The following GLG1 variants were observed in gnomAD, a reference collection of about 807,000 sequenced individuals.
GLG1 encodes golgi glycoprotein 1, also known as Golgi apparatus protein 1.
Under a neutral mutation model 160.5 loss-of-function variants are expected in GLG1, and 38 were observed. The ratio of observed to expected loss-of-function variants is 0.24; its 90% confidence interval spans 0.18 to 0.31. The LOEUF is 0.31. Ranked by LOEUF, GLG1 falls within the 10% of genes least tolerant of loss-of-function variation. The pLI, the probability that GLG1 is intolerant of heterozygous loss-of-function variation, is 1.00. For synonymous variants in GLG1, 644 were observed against 543.4 expected, an observed-to-expected ratio of 1.19 and a Z score of -2.57; for missense variants, 1,373 against 1,505.2, an observed-to-expected ratio of 0.91 and a Z score of 1.45.
At chr16:74,511,599 AAAAGAAAGAAAG>A (rs1227811955) in intron 2 of GLG1, among the ~76,000 whole-genome samples, 18 of 146,540 alleles carry the variant, frequency 1.2e-4, no homozygotes, top group African/African-American at 4.5e-4. Flanking sequence ...AAAAAAAAAA[AAAAGAAAGAAAG>A]AAAGAAAGAA....
chr16:74,589,593 G>C lies in GLG1; in HGVS notation c.438+17064C>G, dbSNP rs574106986. 7.9e-5 allele frequency among the ~76,000 whole-genome samples: 12 copies of C among 152,222 alleles called. 1 individual carries two copies. The South Asian group carries it at 1.5e-3, about 18-fold the overall frequency. On this transcript the variant is annotated intron_variant, in intron 1 of 25. Transcript: ENST00000422840. ...ACTACACTATTTATTTGCGGGTGTG[G>C]GGCAGCAAGATGTGTATGGAGCCAG... is the stretch of plus-strand genomic sequence containing the variant.
At chr16:74,476,122 C>T (rs1437561129) in intron 12 of GLG1, among the ~76,000 whole-genome samples, 1 of 151,728 alleles carries the variant, frequency 6.6e-6, no homozygotes, top group Non-Finnish European at 1.5e-5. Flanking sequence ...GCAGAGGTTG[C>T]AGTGAGCCGA....
intron 8 of GLG1, among the ~76,000 whole-genome samples, chr16:74,487,416 T>C (rs1174801110): frequency 6.6e-6 from 1 of 150,628 alleles, no homozygotes; most frequent in Non-Finnish European, 1.5e-5. Flanking sequence ...CAGAGAACCA[T>C]AATCAAAAGG....
At chr16:74,470,703 C>T (rs1209596890) in intron 15 of GLG1, among the ~76,000 whole-genome samples, 1 of 152,096 alleles carries the variant, frequency 6.6e-6, no homozygotes, top group African/African-American at 2.4e-5. Context: ...CTGCCACAGC[C>T]TCCCAAAGTG....
At chr16:74,566,868 A>G (rs766597948) in intron 1 of GLG1, among the ~76,000 whole-genome samples, 1 of 152,226 alleles carries the variant, frequency 6.6e-6, no homozygotes, top group African/African-American at 2.4e-5. Context: ...ACCCTGCAGG[A>G]AACTTTAAAT....
At chr16:74,473,482 C>T (rs375114383) in intron 13 of GLG1, among the ~76,000 whole-genome samples, 2 of 128,656 alleles carry the variant, frequency 1.6e-5, no homozygotes, top group African/African-American at 6.0e-5. Context: ...CTCTGTTGCT[C>T]GGGCTGGAGT....
intron 1 of GLG1, among the ~76,000 whole-genome samples, chr16:74,554,640 C>T (rs1042290860): frequency 9.9e-5 from 15 of 152,104 alleles, no homozygotes; most frequent in Admixed American, 3.3e-4. Flanking sequence ...CATTAAATCA[C>T]GATGAAAATG....
chr16:74,458,883 C>T (rs1429172171), intron 23 of GLG1, among the ~76,000 whole-genome samples: 3 of 152,086 alleles, frequency 2.0e-5, no homozygotes, highest in Non-Finnish European at 2.9e-5. Flanking sequence ...GCAGATTCTC[C>T]ATTTATACAT....
chr16:74,599,329 T>C (rs1958383054), intron 1 of GLG1, among the ~76,000 whole-genome samples: 1 of 152,152 alleles, frequency 6.6e-6, no homozygotes, highest in Admixed American at 6.6e-5. Flanking sequence ...CCCCAAAGCA[T>C]CTCCCCTTTC....
chr16:74,465,545 G>C (rs914209539), intron 19 of GLG1, 131 bp downstream of exon 19: 6 of 867,344 alleles, frequency 6.9e-6, no homozygotes, highest in Admixed American at 2.2e-5. Flanking sequence ...AGGCTCCCAG[G>C]GGGTGCTGCT....
At chr16:74,473,502 T>C (rs1476079869) in intron 13 of GLG1, among the ~76,000 whole-genome samples, 8 of 136,018 alleles carry the variant, frequency 5.9e-5, no homozygotes, top group Admixed American at 3.2e-4. Context: ...TGCAGTGGCG[T>C]GATCTCGGCT....
intron 1 of GLG1, among the ~76,000 whole-genome samples, chr16:74,576,540 T>C (rs1256940889): frequency 1.3e-5 from 2 of 152,218 alleles, no homozygotes; most frequent in East Asian, 3.9e-4. Flanking sequence ...ATCCCCTTAA[T>C]AACCTTTTAA....
At chr16:74,599,944 G>A (rs1597387690) in intron 1 of GLG1, among the ~76,000 whole-genome samples, 1 of 151,960 alleles carries the variant, frequency 6.6e-6, no homozygotes, top group East Asian at 1.9e-4. Flanking sequence ...GGAGCCAGGA[G>A]AATCGCTTGA....
chr16:74,480,454 G>A, intron 10 of GLG1, 60 bp from the exon 11 acceptor site: 2 of 1,308,870 alleles, frequency 1.5e-6, no homozygotes, highest in South Asian at 2.6e-5. Flanking sequence ...TCTAACACAG[G>A]CTCAGGGTTT....
At chr16:74,469,333 C>A (rs894589586) in intron 16 of GLG1, 2 of 474,052 alleles carry the variant, frequency 4.2e-6, no homozygotes, top group Non-Finnish European at 7.7e-6. Context: ...GACAGTTCAA[C>A]ATCTGTGTTA....
chr16:74,462,145 G>T lies in GLG1; in HGVS notation c.2985C>A (p.Ser995=), dbSNP rs746009529. The change falls in exon 22 of 26, where the codon TCC becomes TCA. Residue 995 remains serine, a synonymous_variant. Coordinates refer to ENST00000422840, the MANE Select transcript of GLG1 (RefSeq NM_001145667.2). ...EDQIRIIIQE[S]ALDYRLDPQL... ...GAGGATCCAGGCGGTAGTCCAGGGC[G>T]GACTCCTGGATAATGATTCGGATCT... The T allele has an allele frequency of 1.9e-6, 3 of 1,608,624 alleles. No homozygotes were observed. The highest frequency in any genetic ancestry group is 2.6e-6 in the Non-Finnish European group (3 of 1,175,110).
intron 3 of GLG1, among the ~76,000 whole-genome samples, chr16:74,506,604 A>AAAAAAAAAAAAAAAAAC (rs1555511216): frequency 1.4e-5 from 2 of 142,942 alleles, no homozygotes; most frequent in Non-Finnish European, 3.1e-5. Context: ...AAAAAAAAAA[A>AAAAAAAAAAAAAAAAAC]CTCAAGAGAA....
At chr16:74,563,643 C>T (rs1027141730) in intron 1 of GLG1, among the ~76,000 whole-genome samples, 10 of 150,110 alleles carry the variant, frequency 6.7e-5, no homozygotes, top group African/African-American at 2.0e-4. Context: ...GGGAGAACTG[C>T]TTGAACCCAG....
chr16:74,590,449 C>G (rs922720863), intron 1 of GLG1, among the ~76,000 whole-genome samples: 1 of 151,656 alleles, frequency 6.6e-6, no homozygotes. Context: ...GAAACCCCGT[C>G]TCTACTAAAA....
Sources: allele counts gnomAD v4.1 joint callset (sites outside exome capture counted in the v4.1 genomes callset), GRCh38; gene constraint gnomAD v4.1.1; transcripts MANE v1.5; gene names NCBI Gene and HGNC (gene_info 2026-07-23, HGNC 2026-07-21).